The following ZNF397 variants were observed in gnomAD, a reference collection of about 807,000 sequenced individuals.
The protein encoded by ZNF397 is zinc finger protein 397.
In ZNF397, 38 loss-of-function variants were observed where a neutral mutation model predicts 50.6. The ratio of observed to expected loss-of-function variants is 0.75; its 90% confidence interval spans 0.58 to 0.98. The LOEUF is 0.98. Ranked by LOEUF, ZNF397 falls within the 50% of genes least tolerant of loss-of-function variation. The pLI is 0.00. For synonymous variants in ZNF397, 228 were observed against 215.2 expected (o/e 1.06, Z -0.52); for missense variants, 624 against 624.1 (o/e 1.00, Z 0.00).
At chr18:35,253,788 T>G (rs767441553), downstream of ZNF397, 2 of 1,614,070 alleles carry the variant, frequency 1.2e-6, no homozygotes, top group African/African-American at 2.7e-5. Context: ...TCATAAGGCT[T>G]CTCTCCAGTG....
Position 35,246,274 on chromosome 18 carries a change from C to G in ZNF397, c.1569C>G (p.Val523=), listed in dbSNP as rs548331787. The change falls in exon 4 of 4, where the codon GTC becomes GTG. Residue 523 remains valine (V), a synonymous_variant. Transcript: ENST00000330501. Reference sequence around the variant, plus strand: ...GGAAGGCTTTCAGGCACAGATCGGTCCTTATGCGCCATCAAAGAGTCCACA... The same window carrying G: ...GGAAGGCTTTCAGGCACAGATCGGTGCTTATGCGCCATCAAAGAGTCCACA... ...ECGKAFRHRS[V]LMRHQRVHTI... 1 of 1,550,836 alleles carries G rather than the reference C, an allele frequency of 6.4e-7. No homozygotes were observed. The highest frequency in any genetic ancestry group is 2.4e-5 in the East Asian group (1 of 40,916).
chr18:35,245,249 CTTA>C lies in ZNF397; in HGVS notation c.557-10_557-8del. On this transcript the variant is annotated splice_polypyrimidine_tract_variant and intron_variant, in intron 3 of 3. Coordinates refer to ENST00000330501, the MANE Select transcript of ZNF397 (RefSeq NM_001135178.3). ...AAATGTAATATCTGTTTTTTTGCTA[CTTA>C]TTGTTTCAGATTGTGAGAACAGTGA... 1.3e-6 allele frequency: 2 copies of C among 1,566,730 alleles called. No homozygotes were observed. Among genetic ancestry groups the C allele is most frequent in the Non-Finnish European group, 8.6e-7 (1 of 1,156,782 alleles).
chr18:35,245,710 T>C lies in ZNF397; in HGVS notation c.1005T>C (p.His335=). 1 of 1,552,150 alleles carries C rather than the reference T, an allele frequency of 6.4e-7. No individual in the cohort carries two copies. The highest frequency in any genetic ancestry group is 1.2e-5 in the South Asian group (1 of 84,068). ...RSYLIIHQRI[H]SGEKAYECSE... Reference sequence around the variant, plus strand: ...ATCTTATTATTCATCAGAGAATTCATAGTGGTGAGAAAGCATATGAATGTA... The same window carrying C: ...ATCTTATTATTCATCAGAGAATTCACAGTGGTGAGAAAGCATATGAATGTA... The change falls in exon 4 of 4, where the codon CAT becomes CAC. Residue 335 remains histidine (H), a synonymous_variant. Transcript: ENST00000330501.
chr18:35,255,930 C>T (rs2043793877), intron 5 of ZNF397: 1 of 152,726 alleles, frequency 6.5e-6, no homozygotes, highest in South Asian at 2.1e-4. Context: ...GTCAGAGACC[C>T]AACAACCTAA....
At chr18:35,241,531 G>T (rs1912499278) in intron 1 of ZNF397, 1 of 152,182 alleles carries the variant, frequency 6.6e-6, no homozygotes, top group South Asian at 2.1e-4. Flanking sequence ...CCTAAAAGCA[G>T]GTCAAGTTTG....
intron 1 of ZNF397, among the ~76,000 whole-genome samples, chr18:35,242,100 TGAAA>T (rs988753498): frequency 6.6e-5 from 10 of 152,204 alleles, no homozygotes; most frequent in Non-Finnish European, 1.5e-4. Flanking sequence ...CAATCAGAAT[TGAAA>T]GAATTGGAAA....
downstream of ZNF397, chr18:35,251,090 A>G (rs1307397423): frequency 4.6e-5 from 7 of 152,248 alleles, no homozygotes; most frequent in African/African-American, 1.4e-4. Flanking sequence ...ATTGCAATAC[A>G]TCTTGCATTA....
chr18:35,254,527 G>A, downstream of ZNF397: 1 of 1,500,676 alleles, frequency 6.7e-7, no homozygotes, highest in Non-Finnish European at 9.0e-7. Flanking sequence ...AGAATTCAGA[G>A]AAGTGGCCTG....
chr18:35,258,828 C>T (rs1383259210), downstream of ZNF397: 1 of 129,602 alleles, frequency 7.7e-6, no homozygotes, highest in African/African-American at 3.0e-5. Flanking sequence ...CAAGATCACA[C>T]CACTGCACTC....
intron 2 of ZNF397, 56 bp from the exon 3 acceptor site, chr18:35,243,096 A>G: frequency 1.2e-6 from 2 of 1,609,296 alleles, no homozygotes; most frequent in African/African-American, 1.3e-5. Flanking sequence ...GATTTTTACT[A>G]AGCAAGTTTT....
downstream of ZNF397, among the ~76,000 whole-genome samples, chr18:35,250,254 G>C (rs538380258): frequency 7.8e-4 from 118 of 152,250 alleles, no homozygotes; most frequent in Non-Finnish European, 1.2e-3. Flanking sequence ...TCCAACTCTA[G>C]ACCCTCACTT....
rs1310121558 is a variant in ZNF397, at chr18:35,248,708, A to G, written c.*2398A>G. 3 of 152,074 alleles carry G rather than the reference A, an allele frequency of 2.0e-5. No individual in the cohort carries two copies. Among genetic ancestry groups the G allele is most frequent in the African/African-American group, 7.2e-5 (3 of 41,410 alleles). 9.4% of individuals were successfully genotyped at this position (152,074 alleles called of 1,614,324 possible). A position where few individuals can be genotyped will look rare whatever the true frequency, so the allele number is the denominator to read the frequency against. On this transcript the variant is annotated 3_prime_UTR_variant, in exon 4 of 4. Transcript: ENST00000330501. Reference sequence around the variant, plus strand: ...ATAAACAGAATTTGCCAGACGTGGTAGTGCATGCCTGTAGACCCAAGTATT... The same window carrying G: ...ATAAACAGAATTTGCCAGACGTGGTGGTGCATGCCTGTAGACCCAAGTATT...
downstream of ZNF397, among the ~76,000 whole-genome samples, chr18:35,250,198 T>TTAAA (rs1160991539): frequency 6.6e-6 from 1 of 152,012 alleles, no homozygotes; most frequent in Non-Finnish European, 1.5e-5. Flanking sequence ...AGATCTTTGA[T>TTAAA]TATTAGAGTT....
At chr18:35,243,923 G>A (rs1023233522) in intron 3 of ZNF397, 27 of 157,164 alleles carry the variant, frequency 1.7e-4, no homozygotes, top group Non-Finnish European at 8.6e-5. Context: ...TCCAAGTCAT[G>A]AAGACCTGTA....
At chr18:35,255,971 C>A in intron 5 of ZNF397, among the ~76,000 whole-genome samples, 1 of 152,034 alleles carries the variant, frequency 6.6e-6, no homozygotes, top group East Asian at 1.9e-4. Context: ...ATAAATAGGT[C>A]AAATTATTAA....
downstream of ZNF397, chr18:35,258,526 CCAAA>C (rs964470467): frequency 1.3e-5 from 2 of 155,112 alleles, no homozygotes; most frequent in Non-Finnish European, 1.4e-5. Context: ...GGCAAGATAT[CCAAA>C]CAGACAGAAC....
At position 35,245,342 on chromosome 18, in the gene ZNF397, C is replaced by A; in HGVS notation, c.637C>A (p.Arg213=). 1 of 1,612,744 alleles carries A rather than the reference C, an allele frequency of 6.2e-7. No homozygotes were observed. Among genetic ancestry groups the A allele is most frequent in the East Asian group, 2.2e-5 (1 of 44,830 alleles). Residue 213 remains arginine, a synonymous_variant, in exon 4 of 4, where the codon CGA becomes AGA. Transcript: ENST00000330501. The part of the protein sequence containing the change: ...SQGLPQEPSF[R]GISEHESNLV... ...GGGACTCCCTCAGGAACCTTCATTT[C>A]GAGGAATTAGTGAGCATGAAAGCAA... is the stretch of plus-strand genomic sequence containing the variant.
chr18:35,254,483 A>T, downstream of ZNF397: 2 of 1,574,002 alleles, frequency 1.3e-6, no homozygotes, highest in Non-Finnish European at 8.6e-7. Context: ...TTTATTTATT[A>T]GGAGGACAGT....
chr18:35,255,549 G>A lies in ZNF397; in HGVS notation c.817+1147G>A, dbSNP rs183796123. 6.8e-3 allele frequency among the ~76,000 whole-genome samples: 1,033 copies of A among 152,170 alleles called. 10 individuals carry two copies. Among genetic ancestry groups the A allele is most frequent in the Non-Finnish European group, 0.01 (708 of 68,014 alleles). ...ATGCTATCTGCCTTCCATATTGGAA[G>A]GATGCAGGGCTGTAGTTGCACTGAA... On this transcript the variant is annotated intron_variant, in intron 5 of 5. Transcript: ENST00000261333.
Sources: allele counts gnomAD v4.1 joint callset (sites outside exome capture counted in the v4.1 genomes callset), GRCh38; gene constraint gnomAD v4.1.1; transcripts MANE v1.5; gene names NCBI Gene and HGNC (gene_info 2026-07-23, HGNC 2026-07-21).